The following SHB variants were observed in gnomAD, a reference collection of about 807,000 sequenced individuals.
The protein encoded by SHB is SH2 domain-containing adapter protein B.
A neutral mutation model predicts 52.3 loss-of-function variants in SHB; 20 were observed. The observed-to-expected ratio is 0.38, with a 90% CI of 0.27 to 0.56. The LOEUF is 0.56. SHB is among the 20% of genes least tolerant of loss of function. The pLI is 0.71. For missense variants in SHB, 825 were observed against 723.3 expected (o/e 1.14, Z -1.61); for synonymous variants, 397 against 316.5 (o/e 1.25, Z -2.70).
intron 2 of SHB, among the ~76,000 whole-genome samples, chr9:37,983,515 G>GGC (rs1820765327): frequency 1.3e-5 from 2 of 152,186 alleles, no homozygotes; most frequent in African/African-American, 4.8e-5. Flanking sequence ...GACACAGGCT[G>GGC]GCACAGACGT....
intron 5 of SHB, among the ~76,000 whole-genome samples, chr9:37,924,241 AAATGTG>A (rs1832218569): frequency 1.3e-5 from 2 of 152,184 alleles, no homozygotes; most frequent in Non-Finnish European, 2.9e-5. Flanking sequence ...CAGGATTATC[AAATGTG>A]CCGGGCACGC....
chr9:37,933,931 G>C (rs984542100), intron 5 of SHB, among the ~76,000 whole-genome samples: 1 of 152,220 alleles, frequency 6.6e-6, no homozygotes, highest in African/African-American at 2.4e-5. Flanking sequence ...AGGAAGACCC[G>C]GGCTACTCTT....
At chr9:37,955,405 C>T (rs759908757) in intron 4 of SHB, among the ~76,000 whole-genome samples, 1 of 152,124 alleles carries the variant, frequency 6.6e-6, no homozygotes, top group Non-Finnish European at 1.5e-5. Flanking sequence ...CTTAACCTGC[C>T]CATGTATACA....
intron 3 of SHB, 141 bp from the exon 4 acceptor site, chr9:37,956,195 T>G: frequency 1.3e-6 from 1 of 754,720 alleles, no homozygotes; most frequent in South Asian, 1.8e-5. Flanking sequence ...TGACATAACA[T>G]GGCACAAAAG....
At chr9:37,959,102 CTGAA>C (rs768700475) in intron 3 of SHB, among the ~76,000 whole-genome samples, 3 of 152,148 alleles carry the variant, frequency 2.0e-5, no homozygotes, top group Non-Finnish European at 4.4e-5. Context: ...GGGGTCAATC[CTGAA>C]GACGGGAAGA....
At chr9:38,006,369 G>A (rs919699192) in intron 2 of SHB, among the ~76,000 whole-genome samples, 18 of 152,192 alleles carry the variant, frequency 1.2e-4, no homozygotes, top group African/African-American at 4.1e-4. Context: ...TGCAGTGTGG[G>A]TTTCCGCAAG....
intron 5 of SHB, among the ~76,000 whole-genome samples, chr9:37,930,800 G>C (rs916177993): frequency 2.0e-5 from 3 of 152,124 alleles, no homozygotes; most frequent in Admixed American, 2.0e-4. Flanking sequence ...AAGACCCTGA[G>C]TAACCAAAAC....
intron 2 of SHB, among the ~76,000 whole-genome samples, chr9:38,001,444 T>C (rs947527931): frequency 6.6e-6 from 1 of 152,228 alleles, no homozygotes; most frequent in African/African-American, 2.4e-5. Flanking sequence ...CCAGACACAA[T>C]TATGCCTTTC....
chr9:37,923,839 G>A (rs1430708776), intron 5 of SHB, among the ~76,000 whole-genome samples: 1 of 152,148 alleles, frequency 6.6e-6, no homozygotes, highest in African/African-American at 2.4e-5. Context: ...CACTACCCTG[G>A]CCCAAGGCGC....
intron 2 of SHB, 119 bp from the exon 3 acceptor site, chr9:37,974,956 G>A (rs1288169164): frequency 2.4e-6 from 2 of 841,302 alleles, no homozygotes; most frequent in Non-Finnish European, 3.9e-6. Context: ...ACGACAGAGA[G>A]ACAGACCCCT....
intron 3 of SHB, among the ~76,000 whole-genome samples, chr9:37,968,541 T>C (rs936719847): frequency 1.3e-5 from 2 of 152,228 alleles, no homozygotes; most frequent in African/African-American, 2.4e-5. Flanking sequence ...ATCTTTGCTA[T>C]GAGGCAGACC....
intron 1 of SHB, among the ~76,000 whole-genome samples, chr9:38,016,959 T>C (rs1017438049): frequency 1.3e-5 from 2 of 152,050 alleles, no homozygotes; most frequent in African/African-American, 4.8e-5. Context: ...CACCTGGGGG[T>C]GGGGGGCACT....
intron 1 of SHB, among the ~76,000 whole-genome samples, chr9:38,016,754 G>C (rs1587245621): frequency 6.6e-6 from 1 of 152,188 alleles, no homozygotes; most frequent in East Asian, 1.9e-4. Flanking sequence ...GGGCCAGTAA[G>C]GACCTGAAAG....
chr9:37,978,717 G>C (rs546037298), intron 2 of SHB, among the ~76,000 whole-genome samples: 3 of 152,162 alleles, frequency 2.0e-5, no homozygotes, highest in Admixed American at 6.5e-5. Flanking sequence ...CAGCAACGTT[G>C]TAAGTACAGA....
chr9:37,970,548 G>A (rs1384943234), intron 3 of SHB, among the ~76,000 whole-genome samples: 4 of 152,162 alleles, frequency 2.6e-5, no homozygotes, highest in Non-Finnish European at 4.4e-5. Flanking sequence ...TCGGGACAGT[G>A]CTTTGAAAGC....
chr9:38,062,645 T>C (rs1821909396), intron 1 of SHB, among the ~76,000 whole-genome samples: 1 of 152,120 alleles, frequency 6.6e-6, no homozygotes, highest in African/African-American at 2.4e-5. Flanking sequence ...CTAGCCAGGA[T>C]CAGCAGGGCT....
At chr9:37,926,070 G>C (rs1832247628) in intron 5 of SHB, among the ~76,000 whole-genome samples, 1 of 152,100 alleles carries the variant, frequency 6.6e-6, no homozygotes, top group African/African-American at 2.4e-5. Context: ...GAATTGAAGG[G>C]AGTCAGGCCC....
chr9:38,046,455 A>C (rs1821652843), intron 1 of SHB, among the ~76,000 whole-genome samples: 1 of 152,122 alleles, frequency 6.6e-6, no homozygotes, highest in Non-Finnish European at 1.5e-5. Context: ...TGAGGGCAAT[A>C]TACTGATGCT....
In SHB at chr9:37,917,173, G is replaced by A. The variant is rs764009399; in HGVS notation, c.*2648C>T. 5.3e-5 allele frequency among the ~76,000 whole-genome samples: 8 copies of A among 152,152 alleles called. No homozygotes were observed. Among genetic ancestry groups the A allele is most frequent in the African/African-American group, 1.7e-4 (7 of 41,434 alleles). On this transcript the variant is annotated 3_prime_UTR_variant, in exon 6 of 6. Transcript: ENST00000377707. ...ATGAATACAGGCTGACACAGGAAACGGTCACAATTAGAGGAAGAAGAGGGA... is the reference window on the plus strand; with the variant it reads ...ATGAATACAGGCTGACACAGGAAACAGTCACAATTAGAGGAAGAAGAGGGA...
Sources: gnomAD v4.1 joint callset for allele counts (sites outside exome capture counted in the v4.1 genomes callset) on GRCh38, gnomAD v4.1.1 for gene constraint, MANE v1.5 for transcripts, NCBI Gene and HGNC (gene_info 2026-07-23, HGNC 2026-07-21) for gene names.